SRRM4: variants seen among roughly 807,000 people sequenced by gnomAD.
SRRM4 encodes the protein serine/arginine repetitive matrix protein 4.
A neutral mutation model predicts 68.9 loss-of-function variants in SRRM4; 33 were observed. The ratio of observed to expected loss-of-function variants is 0.48; its 90% CI spans 0.36 to 0.64. The LOEUF is 0.64. Ranked by LOEUF, SRRM4 falls within the 30% of genes least tolerant of loss-of-function variation. The probability of loss-of-function intolerance (pLI) is 0.00; values close to 1 mark genes in which losing one functional copy is unlikely to be tolerated. For synonymous variants in SRRM4, 318 were observed against 318.8 expected, an observed-to-expected ratio of 1.00 and a Z score of 0.03; for missense variants, 817 against 827.1, an observed-to-expected ratio of 0.99 and a Z score of 0.15.
chr12:119,021,894 G>A (rs1001016223), intron 1 of SRRM4, among the ~76,000 whole-genome samples: 1 of 152,110 alleles, frequency 6.6e-6, no homozygotes, highest in Non-Finnish European at 1.5e-5. Flanking sequence ...AAACATACAT[G>A]TGCATGTAAC....
intron 1 of SRRM4, chr12:118,992,117 T>C (rs1467424660): frequency 1.3e-5 from 2 of 152,222 alleles, no homozygotes; most frequent in Admixed American, 1.3e-4. Context: ...TTGGGGTCCA[T>C]TGATCTAATT....
chr12:119,012,688 GTCTCTATCCTTGTTCTTTAA>G (rs1953457860), intron 1 of SRRM4, among the ~76,000 whole-genome samples: 2 of 152,234 alleles, frequency 1.3e-5, no homozygotes, highest in South Asian at 4.1e-4. Context: ...GCCACATGTG[GTCTCTATCCTTGTTCTTTAA>G]CCCATGATTC....
In SRRM4 at chr12:119,146,841, CAGG is replaced by C. The variant is rs1288519355; in HGVS notation, c.1076+1159_1076+1161del. On this transcript the variant is annotated intron_variant, in intron 9 of 12. Transcript: ENST00000267260. ...GTCCCAGCTACTTGGGAGGCTGAGG[CAGG>C]AGAATGGCATAAACCTGGGAGGTGG... 2.0e-5 allele frequency among the ~76,000 whole-genome samples: 3 copies of C among 151,358 alleles called. No individual in the cohort carries two copies. In the East Asian group the frequency reaches 5.8e-4, roughly 30 times the overall value.
At chr12:119,125,112 G>A (rs1954248209) in intron 6 of SRRM4, among the ~76,000 whole-genome samples, 3 of 152,070 alleles carry the variant, frequency 2.0e-5, no homozygotes, top group Non-Finnish European at 2.9e-5. Context: ...GTGTCATCTG[G>A]GGAGCAGGGA....
chr12:119,006,563 A>G (rs1953417644), intron 1 of SRRM4, among the ~76,000 whole-genome samples: 1 of 152,136 alleles, frequency 6.6e-6, no homozygotes, highest in Non-Finnish European at 1.5e-5. Flanking sequence ...GGGTTCTGCA[A>G]TATGGGATCC....
chr12:119,016,710 GC>G (rs757976655), intron 1 of SRRM4, among the ~76,000 whole-genome samples: 1 of 152,128 alleles, frequency 6.6e-6, no homozygotes, highest in Non-Finnish European at 1.5e-5. Context: ...TTCTGACTTT[GC>G]ATTGTTTGTT....
intron 2 of SRRM4, among the ~76,000 whole-genome samples, chr12:119,102,658 T>C (rs1185552679): frequency 6.6e-6 from 1 of 152,202 alleles, no homozygotes; most frequent in African/African-American, 2.4e-5. Context: ...ATTGTATTTA[T>C]AAAAGCAGGA....
At chr12:119,090,126 C>G (rs561248209) in intron 1 of SRRM4, among the ~76,000 whole-genome samples, 1 of 152,224 alleles carries the variant, frequency 6.6e-6, no homozygotes, top group African/African-American at 2.4e-5. Flanking sequence ...CAGGCAGACT[C>G]GAGCTGAAAT....
At chr12:119,012,374 C>T (rs1343451178) in intron 1 of SRRM4, among the ~76,000 whole-genome samples, 5 of 152,206 alleles carry the variant, frequency 3.3e-5, no homozygotes, top group Admixed American at 3.3e-4. Context: ...GATATATCTC[C>T]CGAGAGGATA....
intron 1 of SRRM4, among the ~76,000 whole-genome samples, chr12:119,077,998 T>C (rs1324089258): frequency 6.6e-6 from 1 of 151,918 alleles, no homozygotes; most frequent in Non-Finnish European, 1.5e-5. Context: ...GCCTCAACTA[T>C]GCTCAAATGC....
chr12:119,055,420 A>G (rs957125046), intron 1 of SRRM4, among the ~76,000 whole-genome samples: 1 of 152,042 alleles, frequency 6.6e-6, no homozygotes, highest in Non-Finnish European at 1.5e-5. Flanking sequence ...GGGTTTCCAT[A>G]AGAAGCATAT....
chr12:119,006,050 C>G (rs1594023341), intron 1 of SRRM4, among the ~76,000 whole-genome samples: 1 of 152,162 alleles, frequency 6.6e-6, no homozygotes, highest in East Asian at 1.9e-4. Flanking sequence ...GATTTGAAAA[C>G]AGGAATGCAC....
intron 3 of SRRM4, 143 bp from the exon 4 acceptor site, chr12:119,116,794 G>A (rs997818087): frequency 1.0e-5 from 6 of 586,000 alleles, no homozygotes; most frequent in Admixed American, 9.0e-5. Context: ...ACAAATGCAA[G>A]CTAGTATCAG....
At chr12:118,993,186 T>C (rs1424564475) in intron 1 of SRRM4, among the ~76,000 whole-genome samples, 1 of 152,144 alleles carries the variant, frequency 6.6e-6, no homozygotes, top group Non-Finnish European at 1.5e-5. Flanking sequence ...AATGCCCTCA[T>C]GCCACTGTGG....
chr12:119,106,548 G>T (rs1954108872), intron 2 of SRRM4, among the ~76,000 whole-genome samples: 1 of 152,092 alleles, frequency 6.6e-6, no homozygotes, highest in Non-Finnish European at 1.5e-5. Context: ...TGGATTCCTA[G>T]ATATTTTATT....
chr12:119,037,579 T>C (rs1227667797), intron 1 of SRRM4, among the ~76,000 whole-genome samples: 5 of 152,188 alleles, frequency 3.3e-5, no homozygotes, highest in Admixed American at 1.3e-4. Flanking sequence ...TGGAATTTCT[T>C]TGTGGGTCAG....
chr12:119,145,766 C>A (rs879174297), intron 9 of SRRM4, 81 bp downstream of exon 9: 3 of 1,162,352 alleles, frequency 2.6e-6, no homozygotes, highest in African/African-American at 3.2e-5. Context: ...CAGCCTCCCC[C>A]ACTCCACCCC....
At chr12:119,100,377 C>T (rs1954071561) in intron 1 of SRRM4, among the ~76,000 whole-genome samples, 1 of 148,932 alleles carries the variant, frequency 6.7e-6, no homozygotes, top group Non-Finnish European at 1.5e-5. Flanking sequence ...GTGGTCCCAG[C>T]TACTTGGGAG....
chr12:119,032,786 AACCATGT>A (rs1335390076), intron 1 of SRRM4, among the ~76,000 whole-genome samples: 7 of 152,210 alleles, frequency 4.6e-5, no homozygotes, highest in African/African-American at 1.7e-4. Flanking sequence ...TAACAGAGTT[AACCATGT>A]AACAATCCTT....
Sources: allele counts gnomAD v4.1 joint callset (sites outside exome capture counted in the v4.1 genomes callset), GRCh38; gene constraint gnomAD v4.1.1; transcripts MANE v1.5; gene names NCBI Gene and HGNC (gene_info 2026-07-23, HGNC 2026-07-21).